VAV3: variants seen among roughly 807,000 people sequenced by gnomAD.
VAV3 encodes guanine nucleotide exchange factor VAV3.
Under a neutral mutation model 131.2 loss-of-function variants are expected in VAV3, and 94 were observed. The ratio of observed to expected loss-of-function variants is 0.72; its 90% CI spans 0.61 to 0.85. VAV3 has a LOEUF of 0.85. Ranked by LOEUF, VAV3 falls within the 40% of genes least tolerant of loss-of-function variation. VAV3 has a pLI of 0.00. For synonymous variants in VAV3, 349 were observed against 342.0 expected, an observed-to-expected ratio of 1.02 and a Z score of -0.22; for missense variants, 939 against 1,002.7, an observed-to-expected ratio of 0.94 and a Z score of 0.86.
rs1336995609 is a variant in VAV3, at chr1:107,858,043, G to T, written c.321+16858C>A. Among the ~76,000 whole-genome samples the T allele has an allele frequency of 2.0e-5, 3 of 152,106 alleles. No homozygotes were observed. The East Asian group carries it at 5.8e-4, about 29-fold the overall frequency. On this transcript the variant is annotated intron_variant, in intron 2 of 26. Coordinates refer to ENST00000370056, the MANE Select transcript of VAV3 (RefSeq NM_006113.5). ...TCCTGAACAAACTACAACCACTCTG[G>T]CAATAATAAATGTAATAAAGAATAT...
chr1:107,824,329 G>A (rs1667920124), intron 2 of VAV3, among the ~76,000 whole-genome samples: 3 of 152,188 alleles, frequency 2.0e-5, no homozygotes, highest in Admixed American at 1.3e-4. Flanking sequence ...ACTAACGGGG[G>A]AATATGGAAG....
intron 2 of VAV3, among the ~76,000 whole-genome samples, chr1:107,834,523 G>A (rs1054361377): frequency 2.0e-5 from 3 of 151,874 alleles, no homozygotes; most frequent in Admixed American, 6.6e-5. Flanking sequence ...CACAATAGCA[G>A]AATACGCATT....
intron 19 of VAV3, among the ~76,000 whole-genome samples, chr1:107,643,142 A>T (rs1387096691): frequency 6.6e-6 from 1 of 152,144 alleles, no homozygotes; most frequent in Non-Finnish European, 1.5e-5. Flanking sequence ...GCACTGGCTG[A>T]TTTCATCACT....
chr1:107,642,490 T>C, intron 20 of VAV3, 129 bp downstream of exon 20: 1 of 1,090,278 alleles, frequency 9.2e-7, no homozygotes, highest in Non-Finnish European at 1.3e-6. Context: ...CATTCTTTTA[T>C]TCCTTTACTT....
rs1000763316 is a variant in VAV3, at chr1:107,802,863, A to G, written c.322-23371T>C. The stretch of plus-strand genomic sequence containing the variant: ...ATGTTAGCTTTGTGGAATAAGTTTG[A>G]AAGTATTTCTTCCTCTTCAGTTTTT... On this transcript the variant is annotated intron_variant, in intron 2 of 26. Transcript: ENST00000370056. 4.0e-5 allele frequency among the ~76,000 whole-genome samples: 6 copies of G among 150,840 alleles called. No homozygotes were observed. In the South Asian group the frequency reaches 1.3e-3, roughly 32 times the overall value.
chr1:107,854,083 C>G (rs374908097), intron 2 of VAV3, among the ~76,000 whole-genome samples: 2 of 152,026 alleles, frequency 1.3e-5, no homozygotes, highest in East Asian at 3.9e-4. Context: ...CTGACACCAG[C>G]AGATAACTTG....
At chr1:107,700,244 G>A (rs528578876) in intron 17 of VAV3, among the ~76,000 whole-genome samples, 94 of 152,012 alleles carry the variant, frequency 6.2e-4, no homozygotes, top group Non-Finnish European at 1.2e-3. Context: ...CTTCCTTATG[G>A]CCTGAAGACA....
chr1:107,684,513 T>C (rs920974579), intron 18 of VAV3, among the ~76,000 whole-genome samples: 1 of 152,178 alleles, frequency 6.6e-6, no homozygotes, highest in East Asian at 1.9e-4. Flanking sequence ...ATGGATGAAA[T>C]GAGGTTTTTT....
At chr1:107,796,808 T>A (rs1013260961) in intron 2 of VAV3, among the ~76,000 whole-genome samples, 11 of 149,060 alleles carry the variant, frequency 7.4e-5, no homozygotes, top group South Asian at 2.1e-4. Flanking sequence ...AAAAAAAATA[T>A]ATATATATAT....
At chr1:107,655,128 A>T (rs1169175478) in intron 19 of VAV3, among the ~76,000 whole-genome samples, 1 of 152,072 alleles carries the variant, frequency 6.6e-6, no homozygotes, top group Non-Finnish European at 1.5e-5. Flanking sequence ...CTGTTCAATC[A>T]CAGTTTATAA....
chr1:107,928,600 T>C (rs139379733), intron 1 of VAV3, among the ~76,000 whole-genome samples: 20 of 152,302 alleles, frequency 1.3e-4, no homozygotes, highest in African/African-American at 4.8e-4. Flanking sequence ...AATTATGAAG[T>C]TTAAAAATGC....
chr1:107,708,949 C>T (rs955126358), intron 15 of VAV3, among the ~76,000 whole-genome samples: 2 of 151,926 alleles, frequency 1.3e-5, no homozygotes, highest in African/African-American at 2.4e-5. Flanking sequence ...CCCACACACA[C>T]ATACCCCCCC....
intron 2 of VAV3, among the ~76,000 whole-genome samples, chr1:107,821,540 C>T (rs1215760541): frequency 6.6e-6 from 1 of 152,094 alleles, no homozygotes; most frequent in African/African-American, 2.4e-5. Flanking sequence ...GGAAGAGCAC[C>T]AGCAAAGTAA....
At chr1:107,636,226 A>G (rs1654922360) in intron 20 of VAV3, among the ~76,000 whole-genome samples, 1 of 152,212 alleles carries the variant, frequency 6.6e-6, no homozygotes, top group Non-Finnish European at 1.5e-5. Flanking sequence ...AAGATTCTGG[A>G]GGTGAGATCA....
At chr1:107,700,396 G>A (rs551348321) in intron 17 of VAV3, among the ~76,000 whole-genome samples, 38 of 152,230 alleles carry the variant, frequency 2.5e-4, no homozygotes, top group African/African-American at 8.2e-4. Flanking sequence ...ACCTATCAAC[G>A]CATCACCTAA....
chr1:107,854,813 T>C (rs1361008679), intron 2 of VAV3, among the ~76,000 whole-genome samples: 3 of 152,218 alleles, frequency 2.0e-5, no homozygotes, highest in Non-Finnish European at 2.9e-5. Flanking sequence ...TGAAAAATGA[T>C]GTGAAAGCAT....
chr1:107,728,399 T>G (rs1003163339), intron 15 of VAV3, among the ~76,000 whole-genome samples: 3 of 152,144 alleles, frequency 2.0e-5, no homozygotes, highest in Non-Finnish European at 2.9e-5. Flanking sequence ...CTTCTGGGTC[T>G]GACTGGATAC....
chr1:107,630,527 T>C (rs1456810294), intron 20 of VAV3, among the ~76,000 whole-genome samples: 2 of 152,300 alleles, frequency 1.3e-5, no homozygotes, highest in East Asian at 1.9e-4. Flanking sequence ...CTGGTATAGA[T>C]GGCAGAGTCA....
intron 19 of VAV3, among the ~76,000 whole-genome samples, chr1:107,655,171 T>A (rs1236605888): frequency 6.6e-6 from 1 of 151,942 alleles, no homozygotes; most frequent in Non-Finnish European, 1.5e-5. Context: ...GCCAAAGCAA[T>A]CCTGGACAAA....
Sources: gnomAD v4.1 joint callset for allele counts (sites outside exome capture counted in the v4.1 genomes callset) on GRCh38, gnomAD v4.1.1 for gene constraint, MANE v1.5 for transcripts, NCBI Gene and HGNC (gene_info 2026-07-23, HGNC 2026-07-21) for gene names.